MET: variants seen among roughly 807,000 people sequenced by gnomAD.
MET encodes the protein MET proto-oncogene, receptor tyrosine kinase.
MET carries 48 observed loss-of-function variants against 133.1 expected under a neutral mutation model. That is an observed-to-expected ratio of 0.36 (90% CI 0.29 to 0.46). MET has a LOEUF of 0.46. Ranked by LOEUF, MET falls within the 20% of genes least tolerant of loss-of-function variation. MET has a pLI of 1.00. For synonymous variants in MET, 628 were observed against 616.5 expected (o/e 1.02, Z -0.28); for missense variants, 1,442 against 1,695.9 (o/e 0.85, Z 2.63).
intron 5 of MET, among the ~76,000 whole-genome samples, chr7:116,748,541 C>A (rs748315409): frequency 3.3e-5 from 5 of 152,072 alleles, no homozygotes; most frequent in Non-Finnish European, 7.4e-5. Flanking sequence ...CTAAAATCAA[C>A]CCCTAACATC....
chr7:116,778,022 T>A (rs1002869137), intron 16 of MET, among the ~76,000 whole-genome samples: 4 of 152,222 alleles, frequency 2.6e-5, no homozygotes, highest in African/African-American at 9.6e-5. Flanking sequence ...CTACCCCTTT[T>A]TAATGCTGGA....
intron 15 of MET, 146 bp downstream of exon 15, chr7:116,775,257 AATG>A: frequency 1.3e-6 from 1 of 793,060 alleles, no homozygotes; most frequent in Non-Finnish European, 2.1e-6. Flanking sequence ...GTTCTATAGA[AATG>A]TAGCCCTGTA....
At chr7:116,753,262 T>G (rs182819705) in intron 5 of MET, among the ~76,000 whole-genome samples, 2 of 152,366 alleles carry the variant, frequency 1.3e-5, no homozygotes, top group African/African-American at 2.4e-5. Context: ...CAAGCTGAGC[T>G]TTAGCAAATA....
In MET at chr7:116,678,724, T is replaced by C. The variant is rs542795808; in HGVS notation, c.-15+6147T>C. On this transcript the variant is annotated intron_variant, in intron 1 of 20. Transcript: ENST00000397752. ...GTTTTGGCTTTGCTTGGGACCAGCA[T>C]TGGGACCAGAGTGTATCTAGACCAG... Among the ~76,000 whole-genome samples the C allele has an allele frequency of 6.1e-4, 17 of 27,994 alleles. 1 individual carries two copies. In the South Asian group the frequency reaches 0.02, roughly 33 times the overall value. The allele number at this position is 27,994 out of a possible 152,430, so 18.4% of individuals were successfully genotyped here.
chr7:116,726,284 G>A (rs1165948294), intron 2 of MET, among the ~76,000 whole-genome samples: 1 of 147,914 alleles, frequency 6.8e-6, no homozygotes, highest in Non-Finnish European at 1.5e-5. Context: ...TCCCCCTCCT[G>A]GAAAAGTGGG....
chr7:116,795,874 CTT>C lies in MET; in HGVS notation c.3936-9_3936-8del. ...AAAGGGTCTCTTACAGCATGTCTTT[CTT>C]TTTGGAACAGATATGAAGTAATGCT... is the stretch of plus-strand genomic sequence containing the variant. On this transcript the variant is annotated splice_polypyrimidine_tract_variant and intron_variant, in intron 20 of 20. Coordinates refer to ENST00000397752, the MANE Select transcript of MET (RefSeq NM_000245.4). 1 of 1,613,896 alleles carries C rather than the reference CTT, an allele frequency of 6.2e-7. No homozygotes were observed. The highest frequency in any genetic ancestry group is 8.5e-7 in the Non-Finnish European group (1 of 1,179,770).
intron 1 of MET, among the ~76,000 whole-genome samples, chr7:116,683,191 T>C (rs1796425423): frequency 6.6e-6 from 1 of 152,240 alleles, no homozygotes; most frequent in South Asian, 2.1e-4. Flanking sequence ...CCAATAGTTA[T>C]CTTTTCTGCT....
At chr7:116,757,021 G>A (rs2116917286) in intron 6 of MET, among the ~76,000 whole-genome samples, 1 of 150,942 alleles carries the variant, frequency 6.6e-6, no homozygotes, top group Non-Finnish European at 1.5e-5. Flanking sequence ...CTGAGCCCAG[G>A]AATTCAAGAC....
rs759151928 is a variant in MET at position 116,757,421 on chromosome 7, T to A, written c.1863-16T>A. On this transcript the variant is annotated splice_polypyrimidine_tract_variant and intron_variant, in intron 6 of 20. Coordinates refer to ENST00000397752, the MANE Select transcript of MET (RefSeq NM_000245.4). Reference sequence around the variant, plus strand: ...CTTGGATTTGTCATGTATTAAACTTTGGGTTTTTTTTCCAGATTGAAATGC... The same window carrying A: ...CTTGGATTTGTCATGTATTAAACTTAGGGTTTTTTTTCCAGATTGAAATGC... The A allele has an allele frequency of 6.2e-7, 1 of 1,605,964 alleles. No homozygotes were observed. The highest frequency in any genetic ancestry group is 8.5e-7 in the Non-Finnish European group (1 of 1,174,072).
chr7:116,711,773 A>G (rs1019697265), intron 2 of MET, among the ~76,000 whole-genome samples: 1 of 152,168 alleles, frequency 6.6e-6, no homozygotes, highest in African/African-American at 2.4e-5. Flanking sequence ...CTATTTGTAT[A>G]TCTGATGATA....
At position 116,685,647 on chromosome 7, in the gene MET, C is replaced by CT. The variant is rs1158607204; in HGVS notation, c.-15+13071dup. Among the ~76,000 whole-genome samples, 5 of 152,194 alleles carry CT rather than the reference C, an allele frequency of 3.3e-5. No individual in the cohort carries two copies. The South Asian group carries it at 8.3e-4, about 25-fold the overall frequency. ...GTTGCAGTTAGCCAACACCACATCA[C>CT]TGCACTCCAGCCTGGGCAACAGAGC... On this transcript the variant is annotated intron_variant, in intron 1 of 20. Coordinates refer to ENST00000397752, the MANE Select transcript of MET (RefSeq NM_000245.4).
intron 4 of MET, 53 bp downstream of exon 4, chr7:116,740,137 A>G (rs1249122151): frequency 1.2e-6 from 2 of 1,604,572 alleles, no homozygotes; most frequent in Admixed American, 1.7e-5. Context: ...CCAAATGCAT[A>G]TTTACAACCA....
chr7:116,721,614 G>A (rs1375245061), intron 2 of MET, among the ~76,000 whole-genome samples: 2 of 151,922 alleles, frequency 1.3e-5, no homozygotes, highest in African/African-American at 4.8e-5. Context: ...TTTCTCTTGT[G>A]GGCATTTAGT....
intron 1 of MET, among the ~76,000 whole-genome samples, chr7:116,679,076 T>C (rs1463365000): frequency 1.3e-5 from 2 of 152,224 alleles, no homozygotes; most frequent in Admixed American, 6.5e-5. Context: ...AATACTCAGT[T>C]GTAATCCTTA....
intron 12 of MET, among the ~76,000 whole-genome samples, chr7:116,770,650 T>C (rs1794803393): frequency 6.6e-6 from 1 of 152,184 alleles, no homozygotes. Context: ...ATTCTAGATA[T>C]TTCATGTGAG....
chr7:116,750,445 AG>A (rs202213085), intron 5 of MET, among the ~76,000 whole-genome samples: 2,456 of 152,380 alleles, frequency 0.016, 84 homozygotes, highest in African/African-American at 0.057. Context: ...GATAGATTAA[AG>A]ACTTAAACGC....
chr7:116,743,456 C>T (rs1200273632), intron 5 of MET, among the ~76,000 whole-genome samples: 1 of 152,200 alleles, frequency 6.6e-6, no homozygotes, highest in Non-Finnish European at 1.5e-5. Context: ...CCTACAGAAC[C>T]CAGCAAGCTA....
intron 2 of MET, among the ~76,000 whole-genome samples, chr7:116,719,381 G>T (rs1792385092): frequency 6.6e-6 from 1 of 151,978 alleles, no homozygotes; most frequent in South Asian, 2.1e-4. Context: ...TGTAGATTCT[G>T]GATATTAGCC....
At chr7:116,710,270 A>G (rs2116653301) in intron 2 of MET, among the ~76,000 whole-genome samples, 1 of 152,336 alleles carries the variant, frequency 6.6e-6, no homozygotes, top group Non-Finnish European at 1.5e-5. Flanking sequence ...GTTTGAAAAA[A>G]TGATTTGTAA....
Sources: allele counts gnomAD v4.1 joint callset (sites outside exome capture counted in the v4.1 genomes callset), GRCh38; gene constraint gnomAD v4.1.1; transcripts MANE v1.5; gene names NCBI Gene and HGNC (gene_info 2026-07-23, HGNC 2026-07-21).